SLC6A19: variants seen among roughly 807,000 people sequenced by gnomAD.
SLC6A19 encodes sodium-dependent neutral amino acid transporter B(0)AT1.
SLC6A19 carries 67 observed loss-of-function variants against 68.3 expected under a neutral mutation model. The observed-to-expected ratio is 0.98, with a 90% CI of 0.81 to 1.20. The LOEUF is 1.20. Among genes scored for constraint, SLC6A19 ranks in the 50% most tolerant of loss-of-function variants. The pLI, the probability that SLC6A19 is intolerant of heterozygous loss-of-function variation, is 0.00. For synonymous variants in SLC6A19, 392 were observed against 374.9 expected (o/e 1.05, Z -0.53); for missense variants, 813 against 851.6 (o/e 0.95, Z 0.56).
chr5:1,216,615 G>A lies in SLC6A19; in HGVS notation c.945G>A (p.Val315=). Residue 315 remains valine, a synonymous_variant, in exon 7 of 12, where the codon GTG becomes GTA. Coordinates refer to ENST00000304460, the MANE Select transcript of SLC6A19 (RefSeq NM_001003841.3). ...IVSIINGFTS[V]YVAIVVYSVI... The stretch of plus-strand genomic sequence containing the variant: ...CCATCATCAACGGCTTCACATCGGT[G>A]TATGTGGCCATCGTGGTCTACTCCG... 1 of 1,614,148 alleles carries A rather than the reference G, an allele frequency of 6.2e-7. No homozygotes were observed. The highest frequency in any genetic ancestry group is 2.2e-5 in the East Asian group (1 of 44,880).
chr5:1,207,074 G>A (rs1253800374), intron 1 of SLC6A19, among the ~76,000 whole-genome samples: 3 of 152,256 alleles, frequency 2.0e-5, no homozygotes, highest in Non-Finnish European at 2.9e-5. Context: ...CTCGGGTTCA[G>A]GTAGGAGACG....
intron 6 of SLC6A19, 54 bp from the exon 7 acceptor site, chr5:1,216,504 T>A: frequency 6.2e-7 from 1 of 1,612,780 alleles, no homozygotes; most frequent in South Asian, 1.1e-5. Flanking sequence ...CCCTGGGCTG[T>A]GTCCTGACCT....
chr5:1,222,298 A>G lies in SLC6A19; in HGVS notation c.*394A>G. 1.8e-6 allele frequency: 1 copy of G among 549,050 alleles called. No homozygotes were observed. The highest frequency in any genetic ancestry group is 2.9e-5 in the South Asian group (1 of 35,056). The allele number at this position is 549,050 out of a possible 1,614,324, so 34.0% of individuals were successfully genotyped here. On this transcript the variant is annotated 3_prime_UTR_variant, in exon 12 of 12. Transcript: ENST00000304460. ...TGTGTGCATGTATATATAGACATAC[A>G]TGCCTATGTTGTGTGTGGTGTGCAT...
intron 4 of SLC6A19, 44 bp from the exon 5 acceptor site, chr5:1,213,419 G>A (rs1561165654): frequency 1.6e-6 from 2 of 1,271,940 alleles, no homozygotes; most frequent in South Asian, 1.3e-5. Flanking sequence ...CGCATGCCTG[G>A]CCCCCCAACT....
intron 5 of SLC6A19, 97 bp from the exon 6 acceptor site, chr5:1,213,856 T>C: frequency 1.3e-6 from 2 of 1,583,842 alleles, no homozygotes; most frequent in African/African-American, 2.7e-5. Flanking sequence ...ACCACCCCAA[T>C]AGCCTCGACC....
At position 1,214,214 on chromosome 5, in the gene SLC6A19, A is replaced by G. The variant is rs918376472; in HGVS notation, c.887+149A>G. On this transcript the variant is annotated intron_variant, in intron 6 of 11. Coordinates refer to ENST00000304460, the MANE Select transcript of SLC6A19 (RefSeq NM_001003841.3). The surrounding 1 kb of genome is among the most constrained non-coding windows in gnomAD (Gnocchi z 7.4). ...GCCCGTTCCCTCCTGCTCGGGGTCCATGTGAGCTGAGTCTAGAGTGCAGCA... is the reference window on the plus strand; with the variant it reads ...GCCCGTTCCCTCCTGCTCGGGGTCCGTGTGAGCTGAGTCTAGAGTGCAGCA... The G allele has an allele frequency of 4.1e-6, 6 of 1,458,130 alleles. No individual in the cohort carries two copies. Among genetic ancestry groups the G allele is most frequent in the Non-Finnish European group, 5.5e-6 (6 of 1,088,588 alleles). 90.3% of individuals were successfully genotyped at this position (1,458,130 alleles called of 1,614,324 possible). A position where few individuals can be genotyped will look rare whatever the true frequency, so the allele number is the denominator to read the frequency against.
intron 5 of SLC6A19, 125 bp from the exon 6 acceptor site, chr5:1,213,828 G>C: frequency 1.3e-6 from 2 of 1,489,040 alleles, no homozygotes; most frequent in Admixed American, 3.6e-5. Context: ...CCACCCCAGG[G>C]GGCCCTGGCC....
chr5:1,205,111 A>G (rs7734259), intron 1 of SLC6A19, among the ~76,000 whole-genome samples: 10,402 of 152,072 alleles, frequency 0.068, 432 homozygotes, highest in African/African-American at 0.1. Flanking sequence ...GTGAGCCAAC[A>G]TCTGCAGCGC....
At chr5:1,207,366 AGCGGTCAGGGCAGCCCGCTTG>A (rs71948792) in intron 1 of SLC6A19, among the ~76,000 whole-genome samples, 2,646 of 152,158 alleles carry the variant, frequency 0.017, 59 homozygotes, top group African/African-American at 0.043. Context: ...CCGCAGAGGG[AGCGGTCAGGGCAGCCCGCTTG>A]GCCGGGCGAG....
In SLC6A19 at chr5:1,221,854, C is replaced by T. The variant is rs761537753; in HGVS notation, c.1855C>T (p.Leu619=). Residue 619 remains leucine (L), a synonymous_variant, in exon 12 of 12, where the codon CTG becomes TTG. Coordinates refer to ENST00000304460, the MANE Select transcript of SLC6A19 (RefSeq NM_001003841.3). ...HCQKPGDHQG[L]VSTLSTASMN... is the part of the protein sequence containing the mutation. ...CCAGAAGCCAGGGGACCATCAGGGG[C>T]TGGTGAGCACACTGTCCACAGCCTC... The T allele has an allele frequency of 6.2e-6, 10 of 1,614,174 alleles. No individual in the cohort carries two copies. In the Admixed American group the frequency reaches 1.7e-4, roughly 27 times the overall value.
chr5:1,219,559 G>T lies in SLC6A19; in HGVS notation c.1433G>T (p.Gly478Val). 1 of 1,612,362 alleles carries T rather than the reference G, an allele frequency of 6.2e-7. No homozygotes were observed. Residue 478 changes from glycine (G) to valine (V), a missense_variant, in exon 10 of 12, where the codon GGC becomes GTC. Transcript: ENST00000304460. Reference protein sequence around the residue: ...LIGFIFTLNSGQYWLSLLDSY... With the variant: ...LIGFIFTLNSVQYWLSLLDSY... ...GGCTTCATCTTCACGCTGAACTCCG[G>T]CCAGTACTGGCTCTCCCTGCTGGAC...
At chr5:1,221,520 G>A (rs922320894) in intron 11 of SLC6A19, among the ~76,000 whole-genome samples, 181 bp from the exon 12 acceptor site, 2 of 152,186 alleles carry the variant, frequency 1.3e-5, no homozygotes, top group South Asian at 4.1e-4. Context: ...CACCATCCCA[G>A]GAGGGAGGTG....
intron 10 of SLC6A19, among the ~76,000 whole-genome samples, chr5:1,220,005 G>A (rs1254923683): frequency 6.6e-6 from 1 of 152,140 alleles, no homozygotes; most frequent in African/African-American, 2.4e-5. Context: ...CAGGGGGGTG[G>A]GGAGTGCCTT....
intron 3 of SLC6A19, among the ~76,000 whole-genome samples, chr5:1,210,858 C>G (rs1053335197): frequency 3.3e-5 from 5 of 152,156 alleles, no homozygotes; most frequent in Non-Finnish European, 7.4e-5. Flanking sequence ...CCTGGAGCCC[C>G]AGGCTGCTGG....
rs201635809 is a variant in SLC6A19 at position 1,219,558 on chromosome 5, G to A, written c.1432G>A (p.Gly478Ser). The change falls in exon 10 of 12, where the codon GGC (glycine) becomes AGC (serine). Residue 478 changes from glycine to serine, a missense_variant. Gly to Ser is a moderately conservative substitution (Grantham distance 56). Transcript: ENST00000304460. ...TGGCTTCATCTTCACGCTGAACTCC[G>A]GCCAGTACTGGCTCTCCCTGCTGGA... ...LIGFIFTLNS[G>S]QYWLSLLDSY... The A allele has an allele frequency of 1.5e-4, 239 of 1,612,228 alleles. No homozygotes were observed. The highest frequency in any genetic ancestry group is 1.9e-4 in the Non-Finnish European group (227 of 1,180,032).
Position 1,218,906 on chromosome 5 carries a change from G to A in SLC6A19, c.1177G>A (p.Val393Met), listed in dbSNP as rs146143094. 1.5e-4 allele frequency: 236 copies of A among 1,613,368 alleles called. No homozygotes were observed. The highest frequency in any genetic ancestry group is 5.0e-4 in the Middle Eastern group (3 of 6,058). Residue 393 changes from valine (V) to methionine (M), a missense_variant, in exon 9 of 12, where the codon GTG becomes ATG. Transcript: ENST00000304460. Reference protein sequence around the residue: ...CDINAFLSEAVEGTGLAFIVF... With the variant: ...CDINAFLSEAMEGTGLAFIVF... ...TGACTGTGTGTCATCCGTGCAGGCCGTGGAGGGCACAGGCCTGGCCTTCAT... is the reference window on the plus strand; with the variant it reads ...TGACTGTGTGTCATCCGTGCAGGCCATGGAGGGCACAGGCCTGGCCTTCAT...
rs561626985 is a variant in SLC6A19, at chr5:1,210,309, C to T, written c.344-135C>T. ...TGCATGATCCCGGCCTGCACTGGGT[C>T]GGCCCCTCAGATTCTGGAGTAGCCC... is the stretch of plus-strand genomic sequence containing the variant. On this transcript the variant is annotated intron_variant, in intron 2 of 11. Transcript: ENST00000304460. 8.7e-5 allele frequency: 111 copies of T among 1,271,734 alleles called. No homozygotes were observed. In the South Asian group the frequency reaches 1.2e-3, roughly 14 times the overall value. 78.8% of individuals were successfully genotyped at this position (1,271,734 alleles called of 1,614,324 possible).
Position 1,209,687 on chromosome 5 carries a change from T to C in SLC6A19, c.344-757T>C, listed in dbSNP as rs1370440654. On this transcript the variant is annotated intron_variant, in intron 2 of 11. Coordinates refer to ENST00000304460, the MANE Select transcript of SLC6A19 (RefSeq NM_001003841.3). The surrounding 1 kb of genome is among the most constrained non-coding windows in gnomAD (Gnocchi z 5.5). The stretch of plus-strand genomic sequence containing the variant: ...CTCCCTTCCCCCCTCTCTCTCATCC[T>C]CCTCCTCTCTCTCTCTCCCTCTCAG... 7.1e-6 allele frequency among the ~76,000 whole-genome samples: 1 copy of C among 140,054 alleles called. No homozygotes were observed. Among genetic ancestry groups the C allele is most frequent in the Non-Finnish European group, 1.5e-5 (1 of 65,152 alleles). The allele number at this position is 140,054 out of a possible 152,430, so 91.9% of individuals were successfully genotyped here. A position where few individuals can be genotyped will look rare whatever the true frequency, so the allele number is the denominator to read the frequency against.
intron 1 of SLC6A19, among the ~76,000 whole-genome samples, chr5:1,206,463 C>T (rs1350155366): frequency 2.8e-5 from 4 of 140,524 alleles, no homozygotes; most frequent in African/African-American, 9.9e-5. Context: ...ATGTGCTGTG[C>T]CATCCCCTGA....
Sources: gnomAD v4.1 joint callset for allele counts (sites outside exome capture counted in the v4.1 genomes callset) on GRCh38, gnomAD v4.1.1 for gene constraint, Gnocchi (gnomAD v3.1) non-coding constraint, MANE v1.5 for transcripts, NCBI Gene and HGNC (gene_info 2026-07-23, HGNC 2026-07-21) for gene names.